ENOPH1: variants seen among roughly 807,000 people sequenced by gnomAD.
ENOPH1 encodes the protein enolase-phosphatase 1.
Under a neutral mutation model 31.1 loss-of-function variants are expected in ENOPH1, and 14 were observed. That is an observed-to-expected ratio of 0.45 (90% CI 0.30 to 0.70). The LOEUF (loss-of-function observed/expected upper bound fraction) is 0.70. Among genes scored for constraint, ENOPH1 ranks in the 30% least tolerant of loss-of-function variants. The probability of loss-of-function intolerance (pLI) is 0.09; values close to 1 mark genes in which losing one functional copy is unlikely to be tolerated. For synonymous variants in ENOPH1, 127 were observed against 123.2 expected, an observed-to-expected ratio of 1.03 and a Z score of -0.21; for missense variants, 243 against 321.5, an observed-to-expected ratio of 0.76 and a Z score of 1.87.
chr4:82,432,985 CT>C (rs139090269), intron 1 of ENOPH1, among the ~76,000 whole-genome samples: 17,090 of 151,510 alleles, frequency 0.11, 1,175 homozygotes, highest in African/African-American at 0.19. Flanking sequence ...GATTAATTTC[CT>C]TTTTTTTTGG....
At chr4:82,436,255 C>T (rs551820467) in intron 1 of ENOPH1, among the ~76,000 whole-genome samples, 1 of 152,246 alleles carries the variant, frequency 6.6e-6, no homozygotes, top group African/African-American at 2.4e-5. Flanking sequence ...GCCCCCCTCT[C>T]CCCAAACTTT....
intron 2 of ENOPH1, among the ~76,000 whole-genome samples, chr4:82,448,240 T>C (rs1327015566): frequency 6.6e-6 from 1 of 150,516 alleles, no homozygotes; most frequent in African/African-American, 2.4e-5. Context: ...TTGGTTGTTT[T>C]TTTTTGTTTT....
At chr4:82,442,660 A>C (rs574517747) in intron 1 of ENOPH1, among the ~76,000 whole-genome samples, 8 of 152,212 alleles carry the variant, frequency 5.3e-5, no homozygotes, top group Admixed American at 2.0e-4. Flanking sequence ...TTAATGTCAT[A>C]ACCCAGAGAG....
chr4:82,448,143 A>C (rs558035082), intron 2 of ENOPH1, 122 bp downstream of exon 2: 1 of 547,026 alleles, frequency 1.8e-6, no homozygotes, highest in Non-Finnish European at 3.2e-6. Context: ...TAGAAGTTGC[A>C]GTGACTTAGT....
chr4:82,451,029 T>C lies in ENOPH1; in HGVS notation c.187-14T>C, dbSNP rs1353278056. 1.2e-6 allele frequency: 2 copies of C among 1,608,718 alleles called. No individual in the cohort carries two copies. Among genetic ancestry groups the C allele is most frequent in the Admixed American group, 1.7e-5 (1 of 59,674 alleles). The stretch of plus-strand genomic sequence containing the variant: ...TAAGCAAAAAACAAACATCATGTTG[T>C]TTCTGACTTAAAGGCTGAAGAGGAC... On this transcript the variant is annotated splice_polypyrimidine_tract_variant and intron_variant, in intron 2 of 5. Coordinates refer to ENST00000273920, the MANE Select transcript of ENOPH1 (RefSeq NM_021204.5).
In ENOPH1 at chr4:82,458,073, A is replaced by G. The variant is rs544488739; in HGVS notation, c.646+1035A>G. 3.8e-4 allele frequency among the ~76,000 whole-genome samples: 32 copies of G among 84,822 alleles called. No individual in the cohort carries two copies. In the East Asian group the frequency reaches 9.6e-3, roughly 25 times the overall value. 55.6% of individuals were successfully genotyped at this position (84,822 alleles called of 152,430 possible). On this transcript the variant is annotated intron_variant, in intron 5 of 5. Transcript: ENST00000273920. The stretch of plus-strand genomic sequence containing the variant: ...TTCATCTTCTGCTGGCCCCATACAC[A>G]CTTAGGCCAGAACTTGGGTCATCGG...
chr4:82,461,050 A>T lies in ENOPH1; in HGVS notation c.*930A>T, dbSNP rs1040288230. 6.6e-6 allele frequency: 1 copy of T among 152,292 alleles called. No individual in the cohort carries two copies. Among genetic ancestry groups the T allele is most frequent in the South Asian group, 2.1e-4 (1 of 4,828 alleles). The allele number at this position is 152,292 out of a possible 1,614,324, so 9.4% of individuals were successfully genotyped here. A position where few individuals can be genotyped will look rare whatever the true frequency, so the allele number is the denominator to read the frequency against. On this transcript the variant is annotated 3_prime_UTR_variant, in exon 6 of 6. Transcript: ENST00000273920. ...TTTAATTCTAATACGATGTCATGTT[A>T]ATTTCATGTTGTGATTAATAAAAGC...
intron 2 of ENOPH1, among the ~76,000 whole-genome samples, chr4:82,449,719 T>G (rs1722297789): frequency 2.0e-5 from 3 of 152,202 alleles, no homozygotes; most frequent in African/African-American, 7.2e-5. Context: ...CCAAGCCATG[T>G]CATTCTCCAT....
chr4:82,450,064 C>T (rs1303482837), intron 2 of ENOPH1, among the ~76,000 whole-genome samples: 1 of 152,194 alleles, frequency 6.6e-6, no homozygotes, highest in Admixed American at 6.5e-5. Context: ...ATATTGGATA[C>T]TGTGGAATGC....
chr4:82,452,213 G>A (rs1348120898), intron 3 of ENOPH1, among the ~76,000 whole-genome samples: 13 of 151,946 alleles, frequency 8.6e-5, no homozygotes, highest in African/African-American at 2.4e-4. Context: ...CCACAGGCAC[G>A]CACCACCACA....
chr4:82,450,896 C>T lies in ENOPH1; in HGVS notation c.187-147C>T, dbSNP rs573359564. On this transcript the variant is annotated intron_variant, in intron 2 of 5. Coordinates refer to ENST00000273920, the MANE Select transcript of ENOPH1 (RefSeq NM_021204.5). ...AGGTTCTTTTAGGAATCATTTGTAT[C>T]AGCTCCAAAGTATATGATGTTTCAA... The T allele has an allele frequency of 6.0e-5, 36 of 604,662 alleles. No individual in the cohort carries two copies. In the African/African-American group the frequency reaches 6.1e-4, roughly 10 times the overall value. 37.5% of individuals were successfully genotyped at this position (604,662 alleles called of 1,614,324 possible).
At chr4:82,431,287 C>T (rs995204565) in intron 1 of ENOPH1, among the ~76,000 whole-genome samples, 1 of 152,214 alleles carries the variant, frequency 6.6e-6, no homozygotes, top group Admixed American at 6.5e-5. Flanking sequence ...TCCGTCGGGC[C>T]TGGTGTGGCA....
rs187760015 is a variant in ENOPH1, at chr4:82,459,757, C to T, written c.647-224C>T. ...CACTGCCATTCTCTTCTGTCAAGTA[C>T]AGTTACGTATTTTTTAAAATTTTAT... On this transcript the variant is annotated intron_variant, in intron 5 of 5. Transcript: ENST00000273920. 1.4e-4 allele frequency among the ~76,000 whole-genome samples: 22 copies of T among 152,240 alleles called. 1 individual carries two copies. The highest frequency in any genetic ancestry group is 1.3e-3 in the Admixed American group (20 of 15,284).
At chr4:82,449,127 C>T (rs1250656612) in intron 2 of ENOPH1, among the ~76,000 whole-genome samples, 3 of 150,064 alleles carry the variant, frequency 2.0e-5, no homozygotes, top group Non-Finnish European at 4.4e-5. Flanking sequence ...GTAGTCACAA[C>T]TCCTTGGGAG....
intron 1 of ENOPH1, among the ~76,000 whole-genome samples, chr4:82,439,303 C>A (rs1417421541): frequency 2.0e-5 from 3 of 152,254 alleles, no homozygotes; most frequent in African/African-American, 7.2e-5. Flanking sequence ...GACCTGGTAC[C>A]CCTTTACTGA....
intron 1 of ENOPH1, among the ~76,000 whole-genome samples, chr4:82,437,445 A>G (rs1721936398): frequency 6.6e-6 from 1 of 152,226 alleles, no homozygotes; most frequent in African/African-American, 2.4e-5. Context: ...ATAGCTGAAC[A>G]TGCACATTCC....
chr4:82,453,283 T>C (rs186364893), intron 3 of ENOPH1, among the ~76,000 whole-genome samples: 1 of 152,356 alleles, frequency 6.6e-6, no homozygotes, highest in African/African-American at 2.4e-5. Flanking sequence ...ATATTTCTTT[T>C]GTGTTTCTGT....
At chr4:82,433,916 G>C (rs1468844453) in intron 1 of ENOPH1, among the ~76,000 whole-genome samples, 1 of 152,158 alleles carries the variant, frequency 6.6e-6, no homozygotes, top group African/African-American at 2.4e-5. Flanking sequence ...AAGATAATCT[G>C]CTTGGAGCTT....
At chr4:82,449,680 C>G (rs1722296231) in intron 2 of ENOPH1, among the ~76,000 whole-genome samples, 1 of 152,212 alleles carries the variant, frequency 6.6e-6, no homozygotes, top group African/African-American at 2.4e-5. Context: ...GATTACATTT[C>G]AATGTGCAAT....
Sources: gnomAD v4.1 joint callset for allele counts (sites outside exome capture counted in the v4.1 genomes callset) on GRCh38, gnomAD v4.1.1 for gene constraint, MANE v1.5 for transcripts, NCBI Gene and HGNC (gene_info 2026-07-23, HGNC 2026-07-21) for gene names.